DRC11: variants seen among roughly 807,000 people sequenced by gnomAD.
DRC11 encodes dynein regulatory complex subunit 11.
the DRC11 span, chr2:236,380,554 G>A: frequency 7.0e-3 from 10,771 of 1,547,994 alleles, 605 homozygotes; most frequent in African/African-American, 0.13. This position sits in a 1 kb window ranked among gnomAD's most constrained non-coding sequence, Gnocchi z 4.9. Context: ...ACAACACAAC[G>A]AGTCCATTCC....
the DRC11 span, among the ~76,000 whole-genome samples, chr2:236,307,749 C>T: frequency 1.3e-5 from 2 of 152,314 alleles, no homozygotes; most frequent in East Asian, 3.9e-4. This position sits in a 1 kb window ranked among gnomAD's most constrained non-coding sequence, Gnocchi z 7.0. Flanking sequence ...GAATTAAAAT[C>T]TGATGGAAGC....
At chr2:236,317,295 G>A in the DRC11 span, among the ~76,000 whole-genome samples, 20 of 148,542 alleles carry the variant, frequency 1.3e-4, no homozygotes, top group African/African-American at 4.3e-4. The surrounding 1 kb of genome is among the most constrained non-coding windows in gnomAD (Gnocchi z 5.4). Flanking sequence ...ATTCCATATC[G>A]GGGGAAAAAA....
the DRC11 span, chr2:236,493,934 G>A: frequency 2.0e-6 from 3 of 1,494,040 alleles, no homozygotes; most frequent in Non-Finnish European, 2.7e-6. Flanking sequence ...CACAATGCCA[G>A]GACTAGAACT....
At chr2:236,371,830 C>T in the DRC11 span, among the ~76,000 whole-genome samples, 1 of 152,136 alleles carries the variant, frequency 6.6e-6, no homozygotes, top group Admixed American at 6.5e-5. This position sits in a 1 kb window ranked among gnomAD's most constrained non-coding sequence, Gnocchi z 5.1. Context: ...GCTTCCTTTC[C>T]CTGAGCATCT....
the DRC11 span, among the ~76,000 whole-genome samples, chr2:236,423,512 C>T: frequency 1.3e-5 from 2 of 152,346 alleles, no homozygotes; most frequent in East Asian, 3.9e-4. Flanking sequence ...TACCATCTCA[C>T]ACCAGTTAGA....
the DRC11 span, among the ~76,000 whole-genome samples, chr2:236,384,609 T>C: frequency 6.6e-6 from 1 of 152,254 alleles, no homozygotes; most frequent in South Asian, 2.1e-4. Context: ...ATTTCGTAGG[T>C]TGCCTGTTCA....
chr2:236,491,159 G>GTATATATA, the DRC11 span, among the ~76,000 whole-genome samples: 1 of 40,346 alleles, frequency 2.5e-5, no homozygotes, highest in African/African-American at 1.5e-4. Flanking sequence ...TATACACACA[G>GTATATATA]TATATATATA....
the DRC11 span, among the ~76,000 whole-genome samples, chr2:236,343,366 G>A: frequency 2.6e-5 from 4 of 152,220 alleles, no homozygotes; most frequent in Admixed American, 1.3e-4. This position sits in a 1 kb window ranked among gnomAD's most constrained non-coding sequence, Gnocchi z 6.6. Context: ...CACTGTGGGA[G>A]AATGCAGGGG....
At chr2:236,339,085 G>C in the DRC11 span, among the ~76,000 whole-genome samples, 1 of 152,136 alleles carries the variant, frequency 6.6e-6, no homozygotes, top group Admixed American at 6.5e-5. Context: ...GCACACCAGG[G>C]GCAATGGTGA....
At chr2:236,331,033 G>A in the DRC11 span, among the ~76,000 whole-genome samples, 9 of 152,084 alleles carry the variant, frequency 5.9e-5, no homozygotes, top group Admixed American at 2.0e-4. The surrounding 1 kb of genome is among the most constrained non-coding windows in gnomAD (Gnocchi z 4.8). Context: ...ATTTCTCTAC[G>A]CAAAACTTAT....
the DRC11 span, among the ~76,000 whole-genome samples, chr2:236,347,944 A>G: frequency 1.3e-5 from 2 of 152,092 alleles, no homozygotes; most frequent in Non-Finnish European, 2.9e-5. Context: ...GAGCTAGTCT[A>G]TTTCAAAGCC....
the DRC11 span, among the ~76,000 whole-genome samples, chr2:236,499,839 TAAGTATCCA>T: frequency 6.6e-6 from 1 of 152,196 alleles, no homozygotes; most frequent in East Asian, 1.9e-4. This position sits in a 1 kb window ranked among gnomAD's most constrained non-coding sequence, Gnocchi z 4.7. Context: ...GAAGAGGAGA[TAAGTATCCA>T]TGGTTAACCA....
the DRC11 span, among the ~76,000 whole-genome samples, chr2:236,383,895 A>G: frequency 6.8e-6 from 1 of 148,066 alleles, no homozygotes; most frequent in African/African-American, 2.5e-5. Context: ...ATTCCCACCT[A>G]TGAGTGAGAA....
the DRC11 span, among the ~76,000 whole-genome samples, chr2:236,478,659 G>A: frequency 2.0e-5 from 3 of 152,024 alleles, no homozygotes; most frequent in Admixed American, 6.6e-5. The surrounding 1 kb of genome is among the most constrained non-coding windows in gnomAD (Gnocchi z 5.9). Context: ...TTATTGTATT[G>A]CAGTATATCT....
At chr2:236,307,307 G>A in the DRC11 span, among the ~76,000 whole-genome samples, 3 of 152,120 alleles carry the variant, frequency 2.0e-5, no homozygotes, top group South Asian at 4.1e-4. The surrounding 1 kb of genome is among the most constrained non-coding windows in gnomAD (Gnocchi z 7.0). Context: ...CTACGACAGC[G>A]CCCCAGGCTT....
chr2:236,307,863 G>T, the DRC11 span, among the ~76,000 whole-genome samples: 2 of 152,214 alleles, frequency 1.3e-5, no homozygotes, highest in African/African-American at 4.8e-5. The surrounding 1 kb of genome is among the most constrained non-coding windows in gnomAD (Gnocchi z 7.0). Flanking sequence ...GTGGCTGGGA[G>T]GTCCTGGGGC....
At chr2:236,451,870 T>C in the DRC11 span, among the ~76,000 whole-genome samples, 1 of 152,204 alleles carries the variant, frequency 6.6e-6, no homozygotes, top group African/African-American at 2.4e-5. Context: ...TTGGTTAGTT[T>C]TCCTCTCTGC....
the DRC11 span, among the ~76,000 whole-genome samples, chr2:236,459,606 TACGTATATAAGTATATAC>T: frequency 7.0e-6 from 1 of 142,148 alleles, no homozygotes; most frequent in African/African-American, 2.7e-5. Context: ...TATACATATA[TACGTATATAAGTATATAC>T]ATACGTATAT....
At chr2:236,401,279 C>T in the DRC11 span, among the ~76,000 whole-genome samples, 1 of 152,102 alleles carries the variant, frequency 6.6e-6, no homozygotes, top group Non-Finnish European at 1.5e-5. The surrounding 1 kb of genome is among the most constrained non-coding windows in gnomAD (Gnocchi z 4.6). Flanking sequence ...CTGTCCTGTC[C>T]GCTTGGAAGG....
Sources: gnomAD v4.1 joint callset for allele counts (sites outside exome capture counted in the v4.1 genomes callset) on GRCh38, gnomAD v4.1.1 for gene constraint, Gnocchi (gnomAD v3.1) non-coding constraint, MANE v1.5 for transcripts, NCBI Gene and HGNC (gene_info 2026-07-23, HGNC 2026-07-21) for gene names.